SH3BP2: variants seen among roughly 807,000 people sequenced by gnomAD.
SH3BP2 encodes the protein SH3 domain-binding protein 2.
SH3BP2 carries 38 observed loss-of-function variants against 56.2 expected under a neutral mutation model. The ratio of observed to expected loss-of-function variants is 0.68; its 90% CI spans 0.52 to 0.89. The LOEUF (loss-of-function observed/expected upper bound fraction) is 0.89, where lower values mean the gene tolerates loss of function less well. Ranked by LOEUF, SH3BP2 falls within the 40% of genes least tolerant of loss-of-function variation. The pLI is 0.00. For synonymous variants in SH3BP2, 346 were observed against 316.7 expected, an observed-to-expected ratio of 1.09 and a Z score of -0.98; for missense variants, 748 against 762.6, an observed-to-expected ratio of 0.98 and a Z score of 0.23.
intron 1 of SH3BP2, among the ~76,000 whole-genome samples, chr4:2,808,565 G>A (rs1465281572): frequency 6.6e-6 from 1 of 152,012 alleles, no homozygotes; most frequent in Non-Finnish European, 1.5e-5. Context: ...CCGAGTTCCC[G>A]GGAATCCTCC....
intron 1 of SH3BP2, among the ~76,000 whole-genome samples, chr4:2,811,523 C>T (rs368359740): frequency 1.1e-4 from 17 of 152,332 alleles, no homozygotes; most frequent in East Asian, 3.9e-4. Context: ...TCCCTGCTTC[C>T]GGGCTCTGGG....
chr4:2,796,577 GAGATC>G (rs1723070101), intron 1 of SH3BP2: 1 of 489,984 alleles, frequency 2.0e-6, no homozygotes. Flanking sequence ...GTTGCCTGGG[GAGATC>G]AGAGGAGCCC....
At chr4:2,816,558 C>G (rs112814912) in intron 1 of SH3BP2, among the ~76,000 whole-genome samples, 2,550 of 152,312 alleles carry the variant, frequency 0.017, 34 homozygotes, top group South Asian at 0.041. Context: ...TCTTTTACCA[C>G]TAGGTATGTT....
At chr4:2,818,699 G>A (rs1347729531) in intron 1 of SH3BP2, 3 of 999,774 alleles carry the variant, frequency 3.0e-6, no homozygotes, top group African/African-American at 3.5e-5. Flanking sequence ...GGGGTGTGGC[G>A]GCGCCTTTGT....
intron 1 of SH3BP2, among the ~76,000 whole-genome samples, chr4:2,819,920 A>G (rs112873919): frequency 0.053 from 7,997 of 152,220 alleles, 245 homozygotes; most frequent in African/African-American, 0.076. Context: ...GTTAGCCCCA[A>G]GGCAGTCACT....
intron 2 of SH3BP2, among the ~76,000 whole-genome samples, chr4:2,822,700 C>T (rs1460821319): frequency 6.6e-6 from 1 of 152,378 alleles, no homozygotes; most frequent in Admixed American, 6.5e-5. Context: ...GCAGCCAGGC[C>T]TGCCCTCGGG....
intron 5 of SH3BP2, among the ~76,000 whole-genome samples, chr4:2,825,926 C>G (rs1183373694): frequency 6.6e-6 from 1 of 152,216 alleles, no homozygotes; most frequent in African/African-American, 2.4e-5. Context: ...ACTTCCTGGC[C>G]CGAGACGATG....
At chr4:2,813,396 C>T (rs1723849510) in intron 1 of SH3BP2, among the ~76,000 whole-genome samples, 1 of 152,124 alleles carries the variant, frequency 6.6e-6, no homozygotes, top group African/African-American at 2.4e-5. Flanking sequence ...GATGATGGGG[C>T]GATCACTGAG....
In SH3BP2 at chr4:2,795,026, C is replaced by T. The variant is rs1268981564; in HGVS notation, c.-5+1888C>T. Among the ~76,000 whole-genome samples the T allele has an allele frequency of 2.0e-5, 3 of 152,178 alleles. 1 individual carries two copies. In the South Asian group the frequency reaches 6.2e-4, roughly 32 times the overall value. On this transcript the variant is annotated intron_variant, in intron 1 of 12. Coordinates refer to ENST00000503393, the MANE Select transcript of SH3BP2 (RefSeq NM_001122681.2). ...TGGCCAGGAGGCTTCCCCCTGCCAC[C>T]CCTCCGTTTTCTCATCCATGACCTG... is the stretch of plus-strand genomic sequence containing the variant.
intron 1 of SH3BP2, among the ~76,000 whole-genome samples, chr4:2,798,751 T>A (rs956794656): frequency 6.6e-6 from 1 of 152,112 alleles, no homozygotes; most frequent in African/African-American, 2.4e-5. Context: ...CTGGGGGAAG[T>A]GACTTCCCGT....
At chr4:2,832,910 C>A (rs576803867) in intron 11 of SH3BP2, 80 bp from the exon 12 acceptor site, 2 of 1,429,478 alleles carry the variant, frequency 1.4e-6, no homozygotes, top group Non-Finnish European at 2.0e-6. Flanking sequence ...GTTCTGCCCC[C>A]CTATCCCCAG....
In SH3BP2 at chr4:2,831,088, G is replaced by A. The variant is rs899978256; in HGVS notation, c.1242-483G>A. 2.0e-5 allele frequency among the ~76,000 whole-genome samples: 3 copies of A among 152,256 alleles called. No individual in the cohort carries two copies. Among genetic ancestry groups the A allele is most frequent in the East Asian group, 1.9e-4 (1 of 5,200 alleles). On this transcript the variant is annotated intron_variant, in intron 8 of 12. Transcript: ENST00000503393. The surrounding 1 kb of genome is among the most constrained non-coding windows in gnomAD (Gnocchi z 4.1). ...CTGGCCTCCCATGCTGGCGTGGCCC[G>A]TTAATCCTCCCTAGAGCCTTTGAGG... is the stretch of plus-strand genomic sequence containing the variant.
At chr4:2,813,047 G>A (rs1723832700) in intron 1 of SH3BP2, among the ~76,000 whole-genome samples, 1 of 152,256 alleles carries the variant, frequency 6.6e-6, no homozygotes, top group Non-Finnish European at 1.5e-5. Context: ...CTGGCCAGCA[G>A]TGCTTCTCTG....
chr4:2,802,666 T>TGTGTATATATGTATGTATGTG (rs1577337877), intron 1 of SH3BP2, among the ~76,000 whole-genome samples: 34 of 151,610 alleles, frequency 2.2e-4, no homozygotes, highest in African/African-American at 4.6e-4. Context: ...TATGTGTGTG[T>TGTGTATATATGTATGTATGTG]GTGTGTGTAT....
In SH3BP2 at chr4:2,829,685, GC is replaced by G; in HGVS notation, c.782del (p.Pro261ArgfsTer17). 1 of 1,612,960 alleles carries G rather than the reference GC, an allele frequency of 6.2e-7. No individual in the cohort carries two copies. Among genetic ancestry groups the G allele is most frequent in the Admixed American group, 1.7e-5 (1 of 60,000 alleles). ...AAEDSKRDPLCPRRAEPCPRV... is the reference protein window; with the variant it reads ...AAEDSKRDPLXPRRAEPCPRV... ...GAGGACTCCAAGAGGGACCCACTGT[GC>G]CCGAGGCGGGCTGAGCCTTGCCCCA... On this transcript the variant is annotated frameshift_variant, in exon 8 of 13. Transcript: ENST00000503393. LOFTEE classifies it high-confidence loss of function. This position sits in a 1 kb window ranked among gnomAD's most constrained non-coding sequence, Gnocchi z 4.9.
At chr4:2,793,559 T>C (rs1180495573) in intron 1 of SH3BP2, among the ~76,000 whole-genome samples, 1 of 150,690 alleles carries the variant, frequency 6.6e-6, no homozygotes, top group African/African-American at 2.4e-5. Context: ...TGGGAGGCGG[T>C]GCGACGCGTC....
Position 2,839,230 on chromosome 4 carries a change from G to C in SH3BP2, c.*5396G>C, listed in dbSNP as rs1725337243. 6.6e-6 allele frequency: 1 copy of C among 150,544 alleles called. No individual in the cohort carries two copies. The highest frequency in any genetic ancestry group is 2.4e-5 in the African/African-American group (1 of 40,920). 9.3% of individuals were successfully genotyped at this position (150,544 alleles called of 1,614,324 possible). A position where few individuals can be genotyped will look rare whatever the true frequency, so the allele number is the denominator to read the frequency against. On this transcript the variant is annotated 3_prime_UTR_variant, in exon 13 of 13. Transcript: ENST00000503393. ...TCTGTTGCCCTGGCTGGAGTGCAGT[G>C]GTGCAATCTCAGCTCACTGCAGCCT... is the stretch of plus-strand genomic sequence containing the variant.
chr4:2,822,796 G>A, intron 2 of SH3BP2, 139 bp from the exon 3 acceptor site: 1 of 713,764 alleles, frequency 1.4e-6, no homozygotes, highest in Non-Finnish European at 2.5e-6. Context: ...CAGCATGCCA[G>A]CCTTGCTCCC....
intron 6 of SH3BP2, 54 bp from the exon 7 acceptor site, chr4:2,827,552 C>G: frequency 6.5e-7 from 1 of 1,534,998 alleles, no homozygotes; most frequent in Non-Finnish European, 8.9e-7. Context: ...GAGCATTGCT[C>G]GGAGACTGGG....
Sources: gnomAD v4.1 joint callset for allele counts (sites outside exome capture counted in the v4.1 genomes callset) on GRCh38, gnomAD v4.1.1 for gene constraint, Gnocchi (gnomAD v3.1) non-coding constraint, MANE v1.5 for transcripts, NCBI Gene and HGNC (gene_info 2026-07-23, HGNC 2026-07-21) for gene names.